The following ZSWIM9 variants were observed in gnomAD, a reference collection of about 807,000 sequenced individuals.
ZSWIM9 encodes the protein uncharacterized protein ZSWIM9.
ZSWIM9 carries 11 observed loss-of-function variants against 25.0 expected under a neutral mutation model. The observed-to-expected ratio is 0.44, with a 90% CI of 0.28 to 0.73. The LOEUF is 0.73. Among genes scored for constraint, ZSWIM9 ranks in the 30% least tolerant of loss-of-function variants. The pLI, the probability that ZSWIM9 is intolerant of heterozygous loss-of-function variation, is 0.16. For synonymous variants in ZSWIM9, 562 were observed against 582.1 expected (o/e 0.97, Z 0.50); for missense variants, 1,070 against 1,296.5 (o/e 0.83, Z 2.68).
intron 3 of ZSWIM9, among the ~76,000 whole-genome samples, chr19:48,188,358 G>A (rs2037055523): frequency 6.6e-6 from 1 of 152,060 alleles, no homozygotes; most frequent in Non-Finnish European, 1.5e-5. Flanking sequence ...GAGTAGCTGG[G>A]ACTACAGGCG....
At chr19:48,171,664 C>T in intron 1 of ZSWIM9, 130 bp from the exon 2 acceptor site, 2 of 885,096 alleles carry the variant, frequency 2.3e-6, no homozygotes, top group South Asian at 1.8e-5. Flanking sequence ...AAAACAGGCA[C>T]GTCCGACCCC....
intron 3 of ZSWIM9, among the ~76,000 whole-genome samples, chr19:48,191,080 GTGTGTA>G (rs796821359): frequency 0.013 from 1,888 of 147,402 alleles, 15 homozygotes; most frequent in Non-Finnish European, 0.014. Flanking sequence ...AGAAAGTGCA[GTGTGTA>G]TGTGTATGTG....
At position 48,182,483 on chromosome 19, in the gene ZSWIM9, A is replaced by C; in HGVS notation, c.304A>C (p.Ile102Leu). ...TCCCCAGCCCGGCTGCCCCGCCTTCATCATCGTCAAGCTGAGCCCGCTGCG... is the reference window on the plus strand; with the variant it reads ...TCCCCAGCCCGGCTGCCCCGCCTTCCTCATCGTCAAGCTGAGCCCGCTGCG... ...GPPQPGCPAF[I>L]IVKLSPLRDR... The change falls in exon 3 of 4, where the codon ATC (isoleucine) becomes CTC (leucine). Residue 102 changes from isoleucine to leucine, a missense_variant. This residue lies in a region of ZSWIM9 where 265 missense variants were observed against 339.0 expected (regional missense o/e 0.78). Coordinates refer to ENST00000614654, the MANE Select transcript of ZSWIM9 (RefSeq NM_199341.4). The surrounding 1 kb of genome is among the most constrained non-coding windows in gnomAD (Gnocchi z 4.6). The C allele has an allele frequency of 6.5e-7, 1 of 1,535,012 alleles. No individual in the cohort carries two copies. Among genetic ancestry groups the C allele is most frequent in the Non-Finnish European group, 8.7e-7 (1 of 1,146,350 alleles).
intron 3 of ZSWIM9, among the ~76,000 whole-genome samples, chr19:48,183,318 G>A (rs535134960): frequency 1.2e-4 from 18 of 151,914 alleles, no homozygotes; most frequent in South Asian, 4.2e-4. Context: ...TAGTAGAGAC[G>A]GGGTTTCACC....
rs1172212165 is a variant in ZSWIM9 at position 48,187,515 on chromosome 19, A to AT, written c.588+4749dup. Among the ~76,000 whole-genome samples, 555 of 73,930 alleles carry AT rather than the reference A, an allele frequency of 7.5e-3. 9 individuals carry two copies. The highest frequency in any genetic ancestry group is 0.03 in the African/African-American group (529 of 17,828). The allele number at this position is 73,930 out of a possible 152,430, so 48.5% of individuals were successfully genotyped here. A position where few individuals can be genotyped will look rare whatever the true frequency, so the allele number is the denominator to read the frequency against. The stretch of plus-strand genomic sequence containing the variant: ...ATTATAATATATTATATTATATTAT[A>AT]TATATTATATATTATATTATTATTA... On this transcript the variant is annotated intron_variant, in intron 3 of 3. Transcript: ENST00000614654.
At chr19:48,171,732 A>C in intron 1 of ZSWIM9, 62 bp from the exon 2 acceptor site, 1 of 1,440,408 alleles carries the variant, frequency 6.9e-7, no homozygotes. Context: ...AGAATGGAGT[A>C]GATGAGATAC....
chr19:48,182,820 G>T lies in ZSWIM9; in HGVS notation c.588+53G>T, dbSNP rs2036966302. The T allele has an allele frequency of 4.5e-6, 6 of 1,329,008 alleles. No homozygotes were observed. Among genetic ancestry groups the T allele is most frequent in the Non-Finnish European group, 5.1e-6 (5 of 979,310 alleles). 82.3% of individuals were successfully genotyped at this position (1,329,008 alleles called of 1,614,324 possible). A position where few individuals can be genotyped will look rare whatever the true frequency, so the allele number is the denominator to read the frequency against. On this transcript the variant is annotated intron_variant, in intron 3 of 3. Transcript: ENST00000614654. This position sits in a 1 kb window ranked among gnomAD's most constrained non-coding sequence, Gnocchi z 4.6. ...GGAGGGGGCGGGGGAAAGCCGCGCTGAAGACTCGTGGGTCATTCATGCCTT... is the reference window on the plus strand; with the variant it reads ...GGAGGGGGCGGGGGAAAGCCGCGCTTAAGACTCGTGGGTCATTCATGCCTT...
rs1472398392 is a variant in ZSWIM9, at chr19:48,183,221, CG to C, written c.588+457del. On this transcript the variant is annotated intron_variant, in intron 3 of 3. Transcript: ENST00000614654. ...TGGGTTCACTGCAACCTCCGCCTCC[CG>C]GGTTCAAGCGATTCTCCTGTCTCAG... The C allele has an allele frequency of 2.0e-5, 3 of 153,350 alleles. No homozygotes were observed. The East Asian group carries it at 5.8e-4, about 30-fold the overall frequency. The allele number at this position is 153,350 out of a possible 1,614,324, so 9.5% of individuals were successfully genotyped here. A position where few individuals can be genotyped will look rare whatever the true frequency, so the allele number is the denominator to read the frequency against.
Position 48,194,997 on chromosome 19 carries a change from C to A in ZSWIM9, c.933C>A (p.Cys311Ter). The part of the protein sequence containing the change: ...QLPAVRQLLP[C>*]ARVQICRAQG... ...CTGCAGTGCGCCAGCTGCTGCCCTG[C>A]GCGCGCGTGCAGATCTGCCGCGCGC... The change falls in exon 4 of 4, where the codon TGC becomes TGA. Residue 311 changes from cysteine to a stop codon, truncating the protein, a stop_gained. Coordinates refer to ENST00000614654, the MANE Select transcript of ZSWIM9 (RefSeq NM_199341.4). LOFTEE classifies it low-confidence loss of function (END_TRUNC). This position sits in a 1 kb window ranked among gnomAD's most constrained non-coding sequence, Gnocchi z 6.0. The A allele has an allele frequency of 7.4e-7, 1 of 1,343,460 alleles. No homozygotes were observed. 83.2% of individuals were successfully genotyped at this position (1,343,460 alleles called of 1,614,324 possible).
rs1354226413 is a variant in ZSWIM9 at position 48,187,417 on chromosome 19, TTATATATTATATTATATTA to T, written c.588+4663_588+4681del. On this transcript the variant is annotated intron_variant, in intron 3 of 3. Coordinates refer to ENST00000614654, the MANE Select transcript of ZSWIM9 (RefSeq NM_199341.4). ...ATATTATATTAATTATATATTATAA[TTATATATTATATTATATTA>T]TATATATTATATATTATATATTAAT... Among the ~76,000 whole-genome samples the T allele has an allele frequency of 1.0e-4, 8 of 77,284 alleles. No individual in the cohort carries two copies. In the East Asian group the frequency reaches 3.5e-3, roughly 34 times the overall value. 50.7% of individuals were successfully genotyped at this position (77,284 alleles called of 152,430 possible).
At chr19:48,179,001 G>A (rs2036921323) in intron 2 of ZSWIM9, among the ~76,000 whole-genome samples, 1 of 152,172 alleles carries the variant, frequency 6.6e-6, no homozygotes, top group Non-Finnish European at 1.5e-5. Context: ...GCCCTTTGCA[G>A]AAAATGTTTG....
Position 48,190,927 on chromosome 19 carries a change from A to G in ZSWIM9, c.589-3726A>G, listed in dbSNP as rs2123398473. ...TATGTTGCTATGTGCTGAAAGCTTT[A>G]TGAATGTTCTGGCTGTGCCAGTTAC... On this transcript the variant is annotated intron_variant, in intron 3 of 3. Coordinates refer to ENST00000614654, the MANE Select transcript of ZSWIM9 (RefSeq NM_199341.4). 1.3e-5 allele frequency among the ~76,000 whole-genome samples: 2 copies of G among 152,342 alleles called. 1 individual carries two copies. The highest frequency in any genetic ancestry group is 4.1e-4 in the South Asian group (2 of 4,830).
intron 3 of ZSWIM9, among the ~76,000 whole-genome samples, chr19:48,187,940 A>ATAGG (rs1325412071): frequency 1.7e-5 from 1 of 58,946 alleles, no homozygotes; most frequent in South Asian, 5.3e-4. Context: ...GACCCTTTAA[A>ATAGG]TAGATAGATA....
chr19:48,196,218 C>T lies in ZSWIM9; in HGVS notation c.2154C>T (p.Val718=), dbSNP rs576922261. The change falls in exon 4 of 4, where the codon GTC becomes GTT. Residue 718 remains valine (V), a synonymous_variant. Coordinates refer to ENST00000614654, the MANE Select transcript of ZSWIM9 (RefSeq NM_199341.4). Reference sequence around the variant, plus strand: ...GGGGCCTGGAGGATATAGTTCTGGTCCAGCTGGGAGACACGAGGGTCACAG... The same window carrying T: ...GGGGCCTGGAGGATATAGTTCTGGTTCAGCTGGGAGACACGAGGGTCACAG... ...RRRGLEDIVL[V]QLGDTRVTGM... 1 of 1,233,374 alleles carries T rather than the reference C, an allele frequency of 8.1e-7. No homozygotes were observed. Among genetic ancestry groups the T allele is most frequent in the African/African-American group, 1.6e-5 (1 of 64,246 alleles). The allele number at this position is 1,233,374 out of a possible 1,614,324, so 76.4% of individuals were successfully genotyped here. A position where few individuals can be genotyped will look rare whatever the true frequency, so the allele number is the denominator to read the frequency against.
At position 48,195,417 on chromosome 19, in the gene ZSWIM9, G is replaced by T; in HGVS notation, c.1353G>T (p.Gly451=). 8 of 1,455,628 alleles carry T rather than the reference G, an allele frequency of 5.5e-6. No homozygotes were observed. The highest frequency in any genetic ancestry group is 1.5e-5 in the African/African-American group (1 of 68,682). 90.2% of individuals were successfully genotyped at this position (1,455,628 alleles called of 1,614,324 possible). Reference sequence around the variant, plus strand: ...TGCCCGAGGGGCCCGATGGCGGGGGGCCTTGGCTGGAGGATGAGCCAGGGA... The same window carrying T: ...TGCCCGAGGGGCCCGATGGCGGGGGTCCTTGGCTGGAGGATGAGCCAGGGA... ...EAVPEGPDGG[G]PWLEDEPGRG... The change falls in exon 4 of 4, where the codon GGG becomes GGT. Residue 451 remains glycine, a synonymous_variant. Transcript: ENST00000614654. The surrounding 1 kb of genome is among the most constrained non-coding windows in gnomAD (Gnocchi z 5.8).
At chr19:48,187,511 T>TA (rs2037035980) in intron 3 of ZSWIM9, among the ~76,000 whole-genome samples, 5 of 82,534 alleles carry the variant, frequency 6.1e-5, no homozygotes, top group South Asian at 2.7e-4. Context: ...TTATATTATA[T>TA]TATATATATT....
chr19:48,189,170 C>T (rs59550488), intron 3 of ZSWIM9, among the ~76,000 whole-genome samples: 5,084 of 152,256 alleles, frequency 0.033, 232 homozygotes, highest in East Asian at 0.11. Context: ...TGTAGTTGCA[C>T]AGCTGTGGAA....
intron 3 of ZSWIM9, among the ~76,000 whole-genome samples, chr19:48,186,172 C>T (rs1437347830): frequency 6.6e-6 from 1 of 152,168 alleles, no homozygotes; most frequent in South Asian, 2.1e-4. Flanking sequence ...CGCAGCTCTG[C>T]ACATATACAG....
intron 2 of ZSWIM9, among the ~76,000 whole-genome samples, chr19:48,177,892 T>C (rs2036909061): frequency 6.6e-6 from 1 of 152,250 alleles, no homozygotes; most frequent in South Asian, 2.1e-4. Context: ...ATTTTCTAAA[T>C]GTGCATTATT....
Sources: allele counts gnomAD v4.1 joint callset (sites outside exome capture counted in the v4.1 genomes callset), GRCh38; gene constraint gnomAD v4.1.1; regional missense constraint gnomAD v4.1.1; non-coding constraint Gnocchi (gnomAD v3.1); transcripts MANE v1.5; gene names NCBI Gene and HGNC (gene_info 2026-07-23, HGNC 2026-07-21).